Variants in XIAP observed in about 807,000 individuals in gnomAD.
XIAP encodes the protein E3 ubiquitin-protein ligase XIAP.
XIAP carries 3 observed loss-of-function variants against 33.1 expected under a neutral mutation model. The ratio of observed to expected loss-of-function variants is 0.09; its 90% confidence interval spans 0.04 to 0.23. The LOEUF is 0.23. Ranked by LOEUF, XIAP falls within the 10% of genes least tolerant of loss-of-function variation. The pLI is 1.00. For missense variants in XIAP, 264 were observed against 363.0 expected, an observed-to-expected ratio of 0.73 and a Z score of 2.22; for synonymous variants, 98 against 121.3, an observed-to-expected ratio of 0.81 and a Z score of 1.26.
intron 6 of XIAP, among the ~76,000 whole-genome samples, chrX:123,906,689 TTC>T (rs749984065): frequency 8.9e-6 from 1 of 112,399 alleles, no homozygotes; most frequent in Admixed American, 9.5e-5. Context: ...CTGTGAAGCC[TTC>T]TCCAACTAGC....
chrX:123,899,385 T>C (rs1053158964), intron 5 of XIAP, among the ~76,000 whole-genome samples: 1 of 104,005 alleles, frequency 9.6e-6, no homozygotes, highest in Non-Finnish European at 1.9e-5. Context: ...CATATATATG[T>C]TAAAATATAT....
At chrX:123,886,969 G>C (rs1276590232) in intron 2 of XIAP, among the ~76,000 whole-genome samples, 1 of 111,862 alleles carries the variant, frequency 8.9e-6, no homozygotes, top group East Asian at 2.8e-4. Context: ...ATCCAGGCTG[G>C]AGTGCAATGG....
chrX:123,864,180 A>G (rs1173975897), intron 1 of XIAP, among the ~76,000 whole-genome samples: 1 of 110,851 alleles, frequency 9.0e-6, no homozygotes, highest in East Asian at 2.8e-4. Context: ...AAATTTACTA[A>G]TTTAGTAAAT....
chrX:123,903,643 G>T (rs6649123), intron 6 of XIAP, among the ~76,000 whole-genome samples: 5,088 of 35,176 alleles, frequency 0.14, 210 homozygotes, highest in African/African-American at 0.24. Flanking sequence ...TTTGTTTTTT[G>T]TTTTTTTTAG....
At position 123,913,762 on chromosome X, in the gene XIAP, T is replaced by C. The variant is rs749283720; in HGVS notation, c.*6581T>C. On this transcript the variant is annotated 3_prime_UTR_variant, in exon 7 of 7. Transcript: ENST00000371199. ...ATTTTAACCTGACTGACTGATCTAATTGTATTAGTATTGTGAATAATCATG... is the reference window on the plus strand; with the variant it reads ...ATTTTAACCTGACTGACTGATCTAACTGTATTAGTATTGTGAATAATCATG... The C allele has an allele frequency of 5.5e-5, 18 of 325,941 alleles. No homozygotes were observed. The highest frequency in any genetic ancestry group is 1.1e-4 in the Non-Finnish European group (18 of 169,268). 26.9% of individuals were successfully genotyped at this position (325,941 alleles called of 1,213,427 possible). A position where few individuals can be genotyped will look rare whatever the true frequency, so the allele number is the denominator to read the frequency against.
intron 1 of XIAP, among the ~76,000 whole-genome samples, chrX:123,883,486 C>T: frequency 2.4e-5 from 2 of 82,731 alleles, no homozygotes; most frequent in African/African-American, 9.3e-5. Flanking sequence ...TTTTTCTTTT[C>T]TTTTCTTTTC....
rs747672097 is a variant in XIAP, at chrX:123,907,376, T to A, written c.*195T>A. On this transcript the variant is annotated 3_prime_UTR_variant, in exon 7 of 7. Transcript: ENST00000371199. ...ATTTTTCAGGGTATTAGCTGTATTA[T>A]CCATTTTTTTTACTGTTATTTAATT... 2 of 495,322 alleles carry A rather than the reference T, an allele frequency of 4.0e-6. No homozygotes were observed. The highest frequency in any genetic ancestry group is 7.1e-6 in the Non-Finnish European group (2 of 280,666). The allele number at this position is 495,322 out of a possible 1,213,427, so 40.8% of individuals were successfully genotyped here. A position where few individuals can be genotyped will look rare whatever the true frequency, so the allele number is the denominator to read the frequency against.
In XIAP at chrX:123,892,783, CTTG is replaced by C; in HGVS notation, c.1099+13_1099+15del. On this transcript the variant is annotated intron_variant, in intron 5 of 6. Coordinates refer to ENST00000371199, the MANE Select transcript of XIAP (RefSeq NM_001167.4). ...CTAACTAGAAGAATTGGTAAATATG[CTTG>C]TTAACTATCCTTTTAATTTAACTGC... is the stretch of plus-strand genomic sequence containing the variant. 8.5e-7 allele frequency: 1 copy of C among 1,170,683 alleles called. No homozygotes were observed.
In XIAP at chrX:123,913,130, C is replaced by T. The variant is rs1396973363; in HGVS notation, c.*5949C>T. ...TAAGCGTCCTCAGGTCCTAGGGGGTCGTGAAACCAAAACCCCAGGGATAGC... is the reference window on the plus strand; with the variant it reads ...TAAGCGTCCTCAGGTCCTAGGGGGTTGTGAAACCAAAACCCCAGGGATAGC... On this transcript the variant is annotated 3_prime_UTR_variant, in exon 7 of 7. Coordinates refer to ENST00000371199, the MANE Select transcript of XIAP (RefSeq NM_001167.4). 6.1e-6 allele frequency: 2 copies of T among 328,403 alleles called. No individual in the cohort carries two copies. The highest frequency in any genetic ancestry group is 9.7e-5 in the East Asian group (1 of 10,268). 27.1% of individuals were successfully genotyped at this position (328,403 alleles called of 1,213,427 possible). A position where few individuals can be genotyped will look rare whatever the true frequency, so the allele number is the denominator to read the frequency against.
At position 123,900,538 on chromosome X, in the gene XIAP, T is replaced by C; in HGVS notation, c.1145T>C (p.Met382Thr). Residue 382 changes from methionine to threonine, a missense_variant, in exon 6 of 7, where the codon ATG becomes ACG. By Grantham distance (81) the Met-to-Thr change is moderately conservative. Coordinates refer to ENST00000371199, the MANE Select transcript of XIAP (RefSeq NM_001167.4). ...CCTATGGTACAAGAAGCTATACGAA[T>C]GGGGTTCAGTTTCAAGGACATTAAG... ...QNPMVQEAIRMGFSFKDIKKI... is the reference protein window; with the variant it reads ...QNPMVQEAIRTGFSFKDIKKI... 8.3e-7 allele frequency: 1 copy of C among 1,211,096 alleles called. No individual in the cohort carries two copies. Among genetic ancestry groups the C allele is most frequent in the African/African-American group, 1.7e-5 (1 of 57,786 alleles).
chrX:123,887,514 T>G (rs1158073241), intron 2 of XIAP, among the ~76,000 whole-genome samples: 2 of 112,786 alleles, frequency 1.8e-5, no homozygotes, highest in Non-Finnish European at 3.7e-5. Flanking sequence ...TTTATTTATG[T>G]ACCATCATAT....
Position 123,908,048 on chromosome X carries a change from T to G in XIAP, c.*867T>G, listed in dbSNP as rs1569479963. 2.7e-6 allele frequency: 1 copy of G among 370,785 alleles called. No individual in the cohort carries two copies. Among genetic ancestry groups the G allele is most frequent in the East Asian group, 5.9e-5 (1 of 16,924 alleles). 30.6% of individuals were successfully genotyped at this position (370,785 alleles called of 1,213,427 possible). On this transcript the variant is annotated 3_prime_UTR_variant, in exon 7 of 7. Transcript: ENST00000371199. Reference sequence around the variant, plus strand: ...CATTTTGTTCTGTTCGAATTTTTTATAAGTATGTATTACTTTTGTAATCAG... The same window carrying G: ...CATTTTGTTCTGTTCGAATTTTTTAGAAGTATGTATTACTTTTGTAATCAG...
Position 123,906,974 on chromosome X carries a change from TTC to T in XIAP, c.1301-10_1301-9del. 1 of 1,209,792 alleles carries T rather than the reference TTC, an allele frequency of 8.3e-7. No individual in the cohort carries two copies. Among genetic ancestry groups the T allele is most frequent in the Non-Finnish European group, 1.1e-6 (1 of 894,013 alleles). ...AGAGTCTAAAACTAGCATAATTATTTTCTCTTTTTGCAGAGATTAGTACTGAA... is the reference window on the plus strand; with the variant it reads ...AGAGTCTAAAACTAGCATAATTATTTTCTTTTTGCAGAGATTAGTACTGAA... On this transcript the variant is annotated splice_polypyrimidine_tract_variant and intron_variant, in intron 6 of 6. Coordinates refer to ENST00000371199, the MANE Select transcript of XIAP (RefSeq NM_001167.4).
At position 123,864,767 on chromosome X, in the gene XIAP, CGTGTGTGTGTGT is replaced by C. The variant is rs752421505; in HGVS notation, c.-33+4513_-33+4524del. ...ATGTTAGCCAGGATGGTCGCATTCT[CGTGTGTGTGTGT>C]GTGTGTGTGTGTGTGTGTGTGTGTG... On this transcript the variant is annotated intron_variant, in intron 1 of 6. Coordinates refer to ENST00000371199, the MANE Select transcript of XIAP (RefSeq NM_001167.4). Among the ~76,000 whole-genome samples the C allele has an allele frequency of 4.1e-3, 215 of 52,649 alleles. 6 individuals carry two copies. In the East Asian group the frequency reaches 0.041, roughly 10 times the overall value. The allele number at this position is 52,649 out of a possible 115,157, so 45.7% of individuals were successfully genotyped here.
rs111374988 is a variant in XIAP, at chrX:123,862,856, G to GA, written c.-33+2576dup. Among the ~76,000 whole-genome samples, 597 of 97,659 alleles carry GA rather than the reference G, an allele frequency of 6.1e-3. 5 individuals are homozygous for GA. Among genetic ancestry groups the GA allele is most frequent in the African/African-American group, 0.019 (503 of 27,010 alleles). The allele number at this position is 97,659 out of a possible 115,157, so 84.8% of individuals were successfully genotyped here. A position where few individuals can be genotyped will look rare whatever the true frequency, so the allele number is the denominator to read the frequency against. On this transcript the variant is annotated intron_variant, in intron 1 of 6. Transcript: ENST00000371199. ...GGTGACAACAGTGCACCTTTGTCCCGAAAAAAAAAAAAATTGACACAAGGA... is the reference window on the plus strand; with the variant it reads ...GGTGACAACAGTGCACCTTTGTCCCGAAAAAAAAAAAAAATTGACACAAGGA...
chrX:123,882,242 A>G (rs1384107802), intron 1 of XIAP, among the ~76,000 whole-genome samples: 1 of 111,941 alleles, frequency 8.9e-6, no homozygotes. Flanking sequence ...TCTACAAGGC[A>G]ACCCAATCCA....
At position 123,912,990 on chromosome X, in the gene XIAP, AG is replaced by A. The variant is rs2053619493; in HGVS notation, c.*5811del. ...AGTGACTGGTTTCGCGGTGTTGACC[AG>A]GCTGGTCTCGAACTCCTGATCTCAG... On this transcript the variant is annotated 3_prime_UTR_variant, in exon 7 of 7. Coordinates refer to ENST00000371199, the MANE Select transcript of XIAP (RefSeq NM_001167.4). 3.5e-6 allele frequency: 1 copy of A among 283,378 alleles called. No homozygotes were observed. Among genetic ancestry groups the A allele is most frequent in the Admixed American group, 3.7e-5 (1 of 26,907 alleles). The allele number at this position is 283,378 out of a possible 1,213,427, so 23.4% of individuals were successfully genotyped here.
rs1300855425 is a variant in XIAP, at chrX:123,885,763, C to T, written c.101C>T (p.Ala34Val). 3.3e-6 allele frequency: 4 copies of T among 1,211,498 alleles called. No homozygotes were observed. In the Admixed American group the frequency reaches 6.5e-5, roughly 20 times the overall value. The change falls in exon 2 of 7, where the codon GCT (alanine) becomes GTT (valine). Residue 34 changes from alanine (A) to valine (V), a missense_variant. By Grantham distance (64) the Ala-to-Val change is moderately conservative. Coordinates refer to ENST00000371199, the MANE Select transcript of XIAP (RefSeq NM_001167.4). The part of the protein sequence containing the change: ...VEEFNRLKTF[A>V]NFPSGSPVSA... ...GAGTTTAATAGATTAAAAACTTTTG[C>T]TAATTTTCCAAGTGGTAGTCCTGTT...
At chrX:123,886,670 G>A in intron 2 of XIAP, 131 bp downstream of exon 2, 1 of 676,953 alleles carries the variant, frequency 1.5e-6, no homozygotes, top group Non-Finnish European at 2.2e-6. Flanking sequence ...ATATATATCT[G>A]TATTATTCCG....
Sources: gnomAD v4.1 joint callset for allele counts (sites outside exome capture counted in the v4.1 genomes callset) on GRCh38, gnomAD v4.1.1 for gene constraint, MANE v1.5 for transcripts, NCBI Gene and HGNC (gene_info 2026-07-23, HGNC 2026-07-21) for gene names.